FBXO9: variants seen among roughly 807,000 people sequenced by gnomAD.
FBXO9 encodes F-box only protein 9.
In FBXO9, 43 loss-of-function variants were observed where a neutral mutation model predicts 63.7. The observed-to-expected ratio is 0.67, with a 90% CI of 0.53 to 0.87. The LOEUF (loss-of-function observed/expected upper bound fraction) is 0.87. Ranked by LOEUF, FBXO9 falls within the 40% of genes least tolerant of loss-of-function variation. The probability of loss-of-function intolerance (pLI) is 0.00; values close to 1 mark genes in which losing one functional copy is unlikely to be tolerated. For missense variants in FBXO9, 442 were observed against 533.2 expected (o/e 0.83, Z 1.68); for synonymous variants, 156 against 171.7 (o/e 0.91, Z 0.72).
Position 53,073,565 on chromosome 6 carries a change from A to G in FBXO9, c.175A>G (p.Arg59Gly). The part of the protein sequence containing the change: ...SSSNLENRPC[R>G]AARGSLQKTS... ...TAGCAATTTAGAAAATCGACCTTGCAGAGCAGCAAGAGGCTCTCTCCAGAA... is the reference window on the plus strand; with the variant it reads ...TAGCAATTTAGAAAATCGACCTTGCGGAGCAGCAAGAGGCTCTCTCCAGAA... Residue 59 changes from arginine (R) to glycine (G), a missense_variant, in exon 3 of 13, where the codon AGA (arginine) becomes GGA (glycine). Around this residue, in one of 2 missense-constraint regions of FBXO9, gnomAD observed 180 missense variants for 171.1 expected, o/e 1.05. Coordinates refer to ENST00000323557, the MANE Select transcript of FBXO9 (RefSeq NM_033480.3). The G allele has an allele frequency of 1.2e-6, 2 of 1,612,230 alleles. No individual in the cohort carries two copies. The highest frequency in any genetic ancestry group is 1.7e-6 in the Non-Finnish European group (2 of 1,178,990).
rs762894731 is a variant in FBXO9, at chr6:53,078,903, G to T, written c.407+5G>T. 6.2e-7 allele frequency: 1 copy of T among 1,605,304 alleles called. No homozygotes were observed. The highest frequency in any genetic ancestry group is 8.5e-7 in the Non-Finnish European group (1 of 1,172,270). On this transcript the variant is annotated splice_donor_5th_base_variant and intron_variant, in intron 5 of 12. Coordinates refer to ENST00000323557, the MANE Select transcript of FBXO9 (RefSeq NM_033480.3). ...TGATGGCGTTGGAAACAGCTAGTGCGTATATAATTTGATAGATAGTAATGC... is the reference window on the plus strand; with the variant it reads ...TGATGGCGTTGGAAACAGCTAGTGCTTATATAATTTGATAGATAGTAATGC...
intron 3 of FBXO9, 92 bp downstream of exon 3, chr6:53,073,731 A>G (rs1423375300): frequency 2.8e-6 from 3 of 1,058,116 alleles, no homozygotes; most frequent in Admixed American, 2.7e-5. Context: ...TTATAACCAG[A>G]CTTTCGGGAC....
At chr6:53,088,952 C>T (rs111938795) in intron 7 of FBXO9, among the ~76,000 whole-genome samples, 1 of 150,632 alleles carries the variant, frequency 6.6e-6, no homozygotes, top group Admixed American at 6.6e-5. Context: ...GACAGAGTCT[C>T]GCTCTGTCGC....
Position 53,098,988 on chromosome 6 carries a change from C to T in FBXO9, c.*1158C>T, listed in dbSNP as rs1763286305. The T allele has an allele frequency of 2.0e-5, 3 of 152,302 alleles. No individual in the cohort carries two copies. The highest frequency in any genetic ancestry group is 2.0e-4 in the Admixed American group (3 of 15,288). 9.4% of individuals were successfully genotyped at this position (152,302 alleles called of 1,614,324 possible). ...TTTCAACCATAGTTAGAGACAAATT[C>T]TCATGTACTTTCAGAAATCAATATC... On this transcript the variant is annotated 3_prime_UTR_variant, in exon 13 of 13. Transcript: ENST00000323557.
rs1581837043 is a variant in FBXO9, at chr6:53,098,369, G to A, written c.*539G>A. ...GATCATAAATAAATGTTTCTTTCAAGAAAATATATTTGGATGGCCTTTTTA... is the reference window on the plus strand; with the variant it reads ...GATCATAAATAAATGTTTCTTTCAAAAAAATATATTTGGATGGCCTTTTTA... On this transcript the variant is annotated 3_prime_UTR_variant, in exon 13 of 13. Coordinates refer to ENST00000323557, the MANE Select transcript of FBXO9 (RefSeq NM_033480.3). The A allele has an allele frequency of 1.2e-5, 2 of 160,844 alleles. No homozygotes were observed. The highest frequency in any genetic ancestry group is 3.7e-4 in the East Asian group (2 of 5,372). 10.0% of individuals were successfully genotyped at this position (160,844 alleles called of 1,614,324 possible).
At chr6:53,077,199 G>T (rs941593998) in intron 4 of FBXO9, among the ~76,000 whole-genome samples, 6 of 152,076 alleles carry the variant, frequency 3.9e-5, no homozygotes, top group African/African-American at 1.4e-4. Context: ...TAATGGCCGG[G>T]CGCGGTGGCT....
In FBXO9 at chr6:53,099,768, C is replaced by T. The variant is rs1408972252; in HGVS notation, c.*1938C>T. On this transcript the variant is annotated 3_prime_UTR_variant, in exon 13 of 13. Transcript: ENST00000323557. ...AAAAAGAAAAAAAAGAGAGGTTGGC[C>T]TTTTGTAGCAATCTGAGAAGTGTGT... 6.6e-6 allele frequency: 1 copy of T among 152,038 alleles called. No homozygotes were observed. Among genetic ancestry groups the T allele is most frequent in the Non-Finnish European group, 1.5e-5 (1 of 68,054 alleles). 9.4% of individuals were successfully genotyped at this position (152,038 alleles called of 1,614,324 possible).
chr6:53,097,072 A>G (rs1400265591), intron 12 of FBXO9, among the ~76,000 whole-genome samples: 1 of 152,160 alleles, frequency 6.6e-6, no homozygotes, highest in Non-Finnish European at 1.5e-5. Context: ...ACTTCCTTGT[A>G]ATATTTATAA....
At chr6:53,065,846 G>A in intron 1 of FBXO9, 54 bp downstream of exon 1, 2 of 1,289,454 alleles carry the variant, frequency 1.6e-6, no homozygotes, top group Non-Finnish European at 2.0e-6. Flanking sequence ...AGCGTGGTGT[G>A]CAGAGGGGCC....
At chr6:53,093,783 T>A in intron 10 of FBXO9, 102 bp from the exon 11 acceptor site, 1 of 997,910 alleles carries the variant, frequency 1.0e-6, no homozygotes, top group South Asian at 1.7e-5. Flanking sequence ...CCTAGCTGAT[T>A]CTTTTCAAGC....
Position 53,095,556 on chromosome 6 carries a change from T to C in FBXO9, c.1097T>C (p.Val366Ala), listed in dbSNP as rs368522186. 2.9e-5 allele frequency: 46 copies of C among 1,613,440 alleles called. No individual in the cohort carries two copies. The highest frequency in any genetic ancestry group is 3.6e-5 in the Non-Finnish European group (43 of 1,179,718). ...TACAGATATTTTCGTCGTGTCCCTG[T>C]ACAAGAAGCAGATCAGAGTTTTCAT... is the stretch of plus-strand genomic sequence containing the variant. ...YKYRYFRRVP[V>A]QEADQSFHVG... is the part of the protein sequence containing the mutation. The change falls in exon 12 of 13, where the codon GTA becomes GCA. Residue 366 changes from valine to alanine, a missense_variant. Coordinates refer to ENST00000323557, the MANE Select transcript of FBXO9 (RefSeq NM_033480.3).
At chr6:53,090,807 A>T (rs1469352234) in intron 7 of FBXO9, 1 of 152,086 alleles carries the variant, frequency 6.6e-6, no homozygotes, top group Non-Finnish European at 1.5e-5. Context: ...CAGCCTCCTG[A>T]GTAACTGGAA....
intron 1 of FBXO9, among the ~76,000 whole-genome samples, chr6:53,070,363 T>C (rs1377381961): frequency 6.6e-6 from 1 of 152,180 alleles, no homozygotes; most frequent in African/African-American, 2.4e-5. Flanking sequence ...TCAGTAGTTA[T>C]GTATATTAAT....
intron 7 of FBXO9, among the ~76,000 whole-genome samples, chr6:53,087,341 C>CAAA (rs58776188): frequency 6.0e-4 from 29 of 48,206 alleles, no homozygotes; most frequent in East Asian, 1.2e-3. Context: ...GATCCTATCT[C>CAAA]AAAAAAAAAA....
At chr6:53,097,112 C>G (rs905730997) in intron 12 of FBXO9, among the ~76,000 whole-genome samples, 4 of 152,078 alleles carry the variant, frequency 2.6e-5, no homozygotes, top group African/African-American at 9.7e-5. Flanking sequence ...TTTCGTTTGT[C>G]TCTCTCAGTG....
chr6:53,086,789 C>T (rs890537455), intron 7 of FBXO9, among the ~76,000 whole-genome samples: 1 of 152,054 alleles, frequency 6.6e-6, no homozygotes, highest in Admixed American at 6.5e-5. Flanking sequence ...CATTTCAGGC[C>T]GGACATGGTC....
In FBXO9 at chr6:53,100,300, A is replaced by G. The variant is rs898535805; in HGVS notation, c.*2470A>G. On this transcript the variant is annotated 3_prime_UTR_variant, in exon 13 of 13. Coordinates refer to ENST00000323557, the MANE Select transcript of FBXO9 (RefSeq NM_033480.3). ...TTCAGGAGTGTCCTTCCTTTGCTCTATTAGGACATTACAGAAACCAATACT... is the reference window on the plus strand; with the variant it reads ...TTCAGGAGTGTCCTTCCTTTGCTCTGTTAGGACATTACAGAAACCAATACT... 1 of 152,158 alleles carries G rather than the reference A, an allele frequency of 6.6e-6. No homozygotes were observed. The highest frequency in any genetic ancestry group is 6.5e-5 in the Admixed American group (1 of 15,278). 9.4% of individuals were successfully genotyped at this position (152,158 alleles called of 1,614,324 possible).
At chr6:53,072,220 T>A (rs222444) in intron 2 of FBXO9, among the ~76,000 whole-genome samples, 122,519 of 150,714 alleles carry the variant, frequency 0.81, 49,791 homozygotes, top group South Asian at 0.88. Context: ...CGTCTTTTTT[T>A]AAAAAAAAAA....
intron 2 of FBXO9, 79 bp from the exon 3 acceptor site, chr6:53,073,402 A>G (rs1223187956): frequency 1.7e-6 from 2 of 1,148,920 alleles, no homozygotes; most frequent in East Asian, 4.7e-5. Context: ...AAGTAGATAG[A>G]TGTTGGACAT....
Sources: gnomAD v4.1 joint callset for allele counts (sites outside exome capture counted in the v4.1 genomes callset) on GRCh38, gnomAD v4.1.1 for gene constraint, gnomAD v4.1.1 regional missense constraint, MANE v1.5 for transcripts, NCBI Gene and HGNC (gene_info 2026-07-23, HGNC 2026-07-21) for gene names.